The following TFDP1 variants were observed in gnomAD, a reference collection of about 807,000 sequenced individuals.
TFDP1 encodes the protein DRTF1-polypeptide 1.
In TFDP1, 6 loss-of-function variants were observed where a neutral mutation model predicts 48.0. That is an observed-to-expected ratio of 0.13 (90% CI 0.07 to 0.25). The LOEUF (loss-of-function observed/expected upper bound fraction) is 0.25. Among genes scored for constraint, TFDP1 ranks in the 10% least tolerant of loss-of-function variants. The pLI is 1.00. For missense variants in TFDP1, 335 were observed against 543.0 expected (o/e 0.62, Z 3.81); for synonymous variants, 201 against 211.6 (o/e 0.95, Z 0.44).
intron 2 of TFDP1, among the ~76,000 whole-genome samples, chr13:113,604,035 A>G (rs1367161474): frequency 6.6e-6 from 1 of 151,948 alleles, no homozygotes; most frequent in African/African-American, 2.4e-5. Flanking sequence ...CATGGGGTGC[A>G]TGCCTGTCCC....
At chr13:113,599,956 A>G (rs1326881211) in intron 2 of TFDP1, among the ~76,000 whole-genome samples, 1 of 151,576 alleles carries the variant, frequency 6.6e-6, no homozygotes, top group African/African-American at 2.4e-5. Context: ...GTGATAAAGA[A>G]TCCTTGCACG....
chr13:113,605,084 A>T (rs1329776795), intron 2 of TFDP1, among the ~76,000 whole-genome samples: 2 of 151,642 alleles, frequency 1.3e-5, no homozygotes, highest in African/African-American at 4.9e-5. Flanking sequence ...TGGCATCGTC[A>T]CTGTCTTTTT....
At chr13:113,609,040 C>T (rs186262298) in intron 2 of TFDP1, among the ~76,000 whole-genome samples, 1 of 152,370 alleles carries the variant, frequency 6.6e-6, no homozygotes, top group East Asian at 1.9e-4. Context: ...CCTTCAGGCA[C>T]CATCGTTGAC....
At chr13:113,639,674 C>G (rs1264941811) in intron 11 of TFDP1, among the ~76,000 whole-genome samples, 1 of 152,260 alleles carries the variant, frequency 6.6e-6, no homozygotes, top group Non-Finnish European at 1.5e-5. Flanking sequence ...TGCCAGCCCT[C>G]TGGGTTCTCA....
intron 2 of TFDP1, among the ~76,000 whole-genome samples, chr13:113,601,340 C>CGGCTGCTGGTGGGATCCCGCTCCTTGTG (rs71101596): frequency 0.47 from 70,846 of 150,296 alleles, 19,446 homozygotes; most frequent in African/African-American, 0.77. Flanking sequence ...TTAACTCACC[C>CGGCTGCTGGTGGGATCCCGCTCCTTGTG]GGCTGCTGGT....
chr13:113,631,404 G>C (rs546742310), intron 4 of TFDP1, among the ~76,000 whole-genome samples: 1 of 152,288 alleles, frequency 6.6e-6, no homozygotes, highest in Non-Finnish European at 1.5e-5. Flanking sequence ...AGATGCCTGT[G>C]ACTGACAAGA....
chr13:113,608,036 C>T (rs1053999672), intron 2 of TFDP1, among the ~76,000 whole-genome samples: 5 of 152,192 alleles, frequency 3.3e-5, no homozygotes, highest in African/African-American at 1.2e-4. Flanking sequence ...AGTGGCTGGG[C>T]AAGGCCCGTG....
intron 3 of TFDP1, among the ~76,000 whole-genome samples, chr13:113,621,103 T>C (rs760342815): frequency 2.0e-5 from 3 of 152,246 alleles, no homozygotes; most frequent in Non-Finnish European, 4.4e-5. Context: ...GCAAAGGCAA[T>C]GTATTCGAAA....
intron 4 of TFDP1, among the ~76,000 whole-genome samples, chr13:113,630,566 A>G (rs907815874): frequency 6.6e-6 from 1 of 152,184 alleles, no homozygotes; most frequent in African/African-American, 2.4e-5. Context: ...TCCAGCTCCA[A>G]TCCCTTTAAC....
intron 3 of TFDP1, among the ~76,000 whole-genome samples, chr13:113,621,654 G>A (rs140077075): frequency 4.6e-4 from 70 of 152,322 alleles, no homozygotes; most frequent in African/African-American, 1.6e-3. Flanking sequence ...TGTTATGCCC[G>A]GACAGGGCCA....
rs186489147 is a variant in TFDP1 at position 113,621,851 on chromosome 13, C to T, written c.80-1329C>T. On this transcript the variant is annotated intron_variant, in intron 3 of 11. Transcript: ENST00000375370. ...TGGAGGGCCTGACATGAGTCAGGCTCGCCTGCAGTTATCTGGAGGCCTAAC... is the reference window on the plus strand; with the variant it reads ...TGGAGGGCCTGACATGAGTCAGGCTTGCCTGCAGTTATCTGGAGGCCTAAC... 1.9e-4 allele frequency among the ~76,000 whole-genome samples: 29 copies of T among 152,214 alleles called. No individual in the cohort carries two copies. The East Asian group carries it at 3.9e-3, about 20-fold the overall frequency.
rs946419327 is a variant in TFDP1, at chr13:113,589,950, T to C, written c.12+4101T>C. ...CGTCACACACGATTGTCCAGTGTCA[T>C]GAAAGTTTGTAAGTGGGAAGGCAGG... On this transcript the variant is annotated intron_variant, in intron 2 of 11. Coordinates refer to ENST00000375370, the MANE Select transcript of TFDP1 (RefSeq NM_007111.5). Among the ~76,000 whole-genome samples, 49 of 152,288 alleles carry C rather than the reference T, an allele frequency of 3.2e-4. 1 individual carries two copies. Among genetic ancestry groups the C allele is most frequent in the Admixed American group, 3.1e-3 (48 of 15,308 alleles).
Position 113,610,991 on chromosome 13 carries a change from C to T in TFDP1, c.13-5C>T, listed in dbSNP as rs750789693. ...TATTTATTATTGTTTTGTTGCTTTC[C>T]GCAGGCCGGTCTAATTGAAGCCAAC... On this transcript the variant is annotated splice_polypyrimidine_tract_variant and splice_region_variant and intron_variant, in intron 2 of 11. Transcript: ENST00000375370. 23 of 1,613,436 alleles carry T rather than the reference C, an allele frequency of 1.4e-5. No individual in the cohort carries two copies. Among genetic ancestry groups the T allele is most frequent in the East Asian group, 6.7e-5 (3 of 44,896 alleles).
intron 2 of TFDP1, among the ~76,000 whole-genome samples, chr13:113,600,427 T>TTGCACGTAGGGCTCCAGGACTGC (rs2048389314): frequency 7.4e-6 from 1 of 134,562 alleles, no homozygotes; most frequent in African/African-American, 3.0e-5. Context: ...TCCAGGACTG[T>TTGCACGTAGGGCTCCAGGACTGC]GAGAGAGAAC....
At chr13:113,625,276 G>A in intron 4 of TFDP1, among the ~76,000 whole-genome samples, 1 of 123,666 alleles carries the variant, frequency 8.1e-6, no homozygotes, top group Non-Finnish European at 1.6e-5. Flanking sequence ...GTCCTCAGGT[G>A]TCTCTCACGT....
intron 3 of TFDP1, among the ~76,000 whole-genome samples, chr13:113,615,928 G>T (rs1051019395): frequency 2.0e-5 from 3 of 151,988 alleles, no homozygotes; most frequent in Non-Finnish European, 4.4e-5. Flanking sequence ...AGTAGGCTGG[G>T]CATGGTGGCT....
chr13:113,630,781 G>A (rs936044170), intron 4 of TFDP1, among the ~76,000 whole-genome samples: 4 of 150,112 alleles, frequency 2.7e-5, no homozygotes, highest in Admixed American at 6.6e-5. Context: ...AACTAAAGTG[G>A]TAAGACCTTG....
chr13:113,618,912 A>G (rs2048926987), intron 3 of TFDP1, among the ~76,000 whole-genome samples: 1 of 152,222 alleles, frequency 6.6e-6, no homozygotes, highest in African/African-American at 2.4e-5. Flanking sequence ...TTTCAGACGC[A>G]CACAAAAACA....
intron 2 of TFDP1, among the ~76,000 whole-genome samples, chr13:113,594,709 C>G (rs1049683649): frequency 6.6e-6 from 1 of 152,238 alleles, no homozygotes; most frequent in Non-Finnish European, 1.5e-5. Flanking sequence ...GAGTGACCTG[C>G]GTGTGCTGGT....
Sources: allele counts gnomAD v4.1 joint callset (sites outside exome capture counted in the v4.1 genomes callset), GRCh38; gene constraint gnomAD v4.1.1; transcripts MANE v1.5; gene names NCBI Gene and HGNC (gene_info 2026-07-23, HGNC 2026-07-21).